The following TTBK2 variants were observed in gnomAD, a reference collection of about 807,000 sequenced individuals.
TTBK2 encodes tau-tubulin kinase 2.
In TTBK2, 28 loss-of-function variants were observed where a neutral mutation model predicts 110.8. The observed-to-expected ratio is 0.25, with a 90% CI of 0.19 to 0.35. The LOEUF is 0.35. TTBK2 is among the 10% of genes least tolerant of loss of function. The pLI, the probability that TTBK2 is intolerant of heterozygous loss-of-function variation, is 1.00. For synonymous variants in TTBK2, 532 were observed against 527.3 expected, an observed-to-expected ratio of 1.01 and a Z score of -0.12; for missense variants, 1,369 against 1,500.3, an observed-to-expected ratio of 0.91 and a Z score of 1.45.
intron 3 of TTBK2, among the ~76,000 whole-genome samples, chr15:42,860,370 C>G (rs1056181230): frequency 6.6e-6 from 1 of 151,656 alleles, no homozygotes; most frequent in Non-Finnish European, 1.5e-5. Context: ...TCTGAAGAAG[C>G]AGTTTGAAAA....
At chr15:42,855,560 C>T (rs900696531) in intron 3 of TTBK2, among the ~76,000 whole-genome samples, 1 of 151,926 alleles carries the variant, frequency 6.6e-6, no homozygotes, top group African/African-American at 2.4e-5. Context: ...ATTTAAGCTT[C>T]AAAAGGATAA....
intron 10 of TTBK2, among the ~76,000 whole-genome samples, chr15:42,784,774 T>C (rs1890336486): frequency 6.6e-6 from 1 of 152,114 alleles, no homozygotes; most frequent in African/African-American, 2.4e-5. Context: ...ATTAGAGAGA[T>C]GTCATATACT....
chr15:42,781,785 T>C (rs1890190043), intron 11 of TTBK2, among the ~76,000 whole-genome samples: 1 of 152,118 alleles, frequency 6.6e-6, no homozygotes, highest in Non-Finnish European at 1.5e-5. Context: ...TTAAGGTTTG[T>C]TTTGTAGCTC....
chr15:42,909,578 T>C (rs933160891), intron 1 of TTBK2, among the ~76,000 whole-genome samples: 11 of 152,160 alleles, frequency 7.2e-5, no homozygotes, highest in Non-Finnish European at 1.6e-4. Context: ...CTGGGGATTA[T>C]GACATGAACA....
At chr15:42,907,978 C>G (rs753780377) in intron 1 of TTBK2, among the ~76,000 whole-genome samples, 2 of 151,794 alleles carry the variant, frequency 1.3e-5, no homozygotes, top group African/African-American at 2.4e-5. Flanking sequence ...CCCAGCTACT[C>G]AGGAGGCTGA....
chr15:42,911,717 A>G (rs1364850363), intron 1 of TTBK2, among the ~76,000 whole-genome samples: 2 of 152,206 alleles, frequency 1.3e-5, no homozygotes, highest in Admixed American at 1.3e-4. Flanking sequence ...GTTAACTAAT[A>G]AATAATTATT....
intron 1 of TTBK2, among the ~76,000 whole-genome samples, chr15:42,906,941 C>G (rs752905726): frequency 4.0e-5 from 6 of 151,476 alleles, no homozygotes; most frequent in Non-Finnish European, 7.4e-5. Context: ...TCTCAGCAAT[C>G]TGGGAGGCCA....
At chr15:42,876,308 G>A (rs1894818336) in intron 2 of TTBK2, among the ~76,000 whole-genome samples, 1 of 151,972 alleles carries the variant, frequency 6.6e-6, no homozygotes, top group South Asian at 2.1e-4. Flanking sequence ...AAGTTGCTCA[G>A]ATATATTAGT....
rs1367866022 is a variant in TTBK2 at position 42,740,093 on chromosome 15, C to CA, written c.*5701dup. ...AGCAAATTCTATAGTCACATGGGCT[C>CA]AAAGATCTGCCTCATCCAATCTTGT... is the stretch of plus-strand genomic sequence containing the variant. On this transcript the variant is annotated 3_prime_UTR_variant, in exon 15 of 15. Coordinates refer to ENST00000267890, the MANE Select transcript of TTBK2 (RefSeq NM_173500.4). The CA allele has an allele frequency of 6.6e-6, 1 of 152,160 alleles. No homozygotes were observed. Among genetic ancestry groups the CA allele is most frequent in the African/African-American group, 2.4e-5 (1 of 41,434 alleles). 9.4% of individuals were successfully genotyped at this position (152,160 alleles called of 1,614,324 possible). A position where few individuals can be genotyped will look rare whatever the true frequency, so the allele number is the denominator to read the frequency against.
chr15:42,778,796 A>T (rs1236147780), intron 11 of TTBK2, among the ~76,000 whole-genome samples: 1 of 152,246 alleles, frequency 6.6e-6, no homozygotes, highest in African/African-American at 2.4e-5. Flanking sequence ...GAGTCCTAGA[A>T]AGAGATAATA....
At chr15:42,866,546 C>A in intron 3 of TTBK2, among the ~76,000 whole-genome samples, 1 of 152,072 alleles carries the variant, frequency 6.6e-6, no homozygotes, top group East Asian at 1.9e-4. Flanking sequence ...CTGAACTAAA[C>A]AATATCATCA....
rs374930911 is a variant in TTBK2 at position 42,802,371 on chromosome 15, C to T, written c.823-7570G>A. The T allele has an allele frequency of 2.5e-5, 19 of 763,660 alleles. No homozygotes were observed. In the African/African-American group the frequency reaches 2.9e-4, roughly 12 times the overall value. 47.3% of individuals were successfully genotyped at this position (763,660 alleles called of 1,614,324 possible). On this transcript the variant is annotated intron_variant, in intron 9 of 14. Transcript: ENST00000267890. ...TAAAGGCCTGGGGGCCAGAGGTGGA[C>T]ACCTTGTAGGACTTCCGGGTCACCC... is the stretch of plus-strand genomic sequence containing the variant.
chr15:42,810,743 G>C lies in TTBK2; in HGVS notation c.697-4C>G. On this transcript the variant is annotated splice_polypyrimidine_tract_variant and splice_region_variant and intron_variant, in intron 8 of 14. Transcript: ENST00000267890. ...CCTTAATAGAGCCTACTTGCTCCTG[G>C]GAAGTAAAGAGAAAAAGAGCTACAG... The C allele has an allele frequency of 6.2e-7, 1 of 1,613,348 alleles. No individual in the cohort carries two copies. The highest frequency in any genetic ancestry group is 1.3e-5 in the African/African-American group (1 of 74,910).
chr15:42,747,750 G>T (rs1043168373), intron 14 of TTBK2, among the ~76,000 whole-genome samples: 1 of 152,104 alleles, frequency 6.6e-6, no homozygotes, highest in Non-Finnish European at 1.5e-5. Flanking sequence ...AGGACCCTAG[G>T]GCCCCTCTAA....
chr15:42,879,059 T>C (rs1894935602), intron 1 of TTBK2, among the ~76,000 whole-genome samples: 1 of 152,222 alleles, frequency 6.6e-6, no homozygotes, highest in Non-Finnish European at 1.5e-5. Context: ...TTATAGTTTG[T>C]AACTTAGAGC....
chr15:42,835,032 T>TTATAATATA (rs1280766737), intron 4 of TTBK2, among the ~76,000 whole-genome samples: 1 of 152,228 alleles, frequency 6.6e-6, no homozygotes, highest in Admixed American at 6.5e-5. Flanking sequence ...GTAGTAGTCC[T>TTATAATATA]GCCTTTCCTA....
intron 9 of TTBK2, chr15:42,801,110 G>A: frequency 1.2e-6 from 1 of 867,634 alleles, no homozygotes. Flanking sequence ...GGCCGTAGCT[G>A]AGGCCAGGGC....
intron 1 of TTBK2, among the ~76,000 whole-genome samples, chr15:42,902,684 G>A (rs1444930015): frequency 6.6e-6 from 1 of 151,946 alleles, no homozygotes; most frequent in Non-Finnish European, 1.5e-5. Flanking sequence ...GAAAAACAGT[G>A]CGGCAGTTCC....
rs1370158200 is a variant in TTBK2, at chr15:42,775,420, T to G, written c.1713A>C (p.Gly571=). The change falls in exon 13 of 15, where the codon GGA becomes GGC. Residue 571 remains glycine, a synonymous_variant. Coordinates refer to ENST00000267890, the MANE Select transcript of TTBK2 (RefSeq NM_173500.4). ...LQDFRTNEAV[G]HKTTGSPSDE... ...CAGAAGGACTTCCAGTTGTTTTATG[T>G]CCTACAGCCTCATTTGTCCTAAAAT... 1.2e-6 allele frequency: 2 copies of G among 1,614,254 alleles called. No individual in the cohort carries two copies. The highest frequency in any genetic ancestry group is 4.5e-5 in the East Asian group (2 of 44,896).
Sources: allele counts gnomAD v4.1 joint callset (sites outside exome capture counted in the v4.1 genomes callset), GRCh38; gene constraint gnomAD v4.1.1; transcripts MANE v1.5; gene names NCBI Gene and HGNC (gene_info 2026-07-23, HGNC 2026-07-21).